The following COMTD1 variants were observed in gnomAD, a reference collection of about 807,000 sequenced individuals.
COMTD1 encodes catechol-O-methyltransferase domain containing 1.
Under a neutral mutation model 33.6 loss-of-function variants are expected in COMTD1, and 35 were observed. The ratio of observed to expected loss-of-function variants is 1.04; its 90% confidence interval spans 0.80 to 1.38. The LOEUF (loss-of-function observed/expected upper bound fraction) is 1.38, where lower values mean the gene tolerates loss of function less well. Among genes scored for constraint, COMTD1 ranks in the 40% most tolerant of loss-of-function variants. The pLI is 0.00. For missense variants in COMTD1, 370 were observed against 363.4 expected (o/e 1.02, Z -0.15); for synonymous variants, 160 against 176.8 (o/e 0.91, Z 0.75).
At chr10:75,235,471 G>T in intron 2 of COMTD1, 99 bp from the exon 3 acceptor site, 6 of 1,340,832 alleles carry the variant, frequency 4.5e-6, no homozygotes, top group Non-Finnish European at 5.9e-6. Context: ...TGGCCTGGGG[G>T]ACTGGCCCTT....
At chr10:75,235,514 CGGAAGCCCAG>C in intron 2 of COMTD1, 92 bp downstream of exon 2, 3 of 1,409,224 alleles carry the variant, frequency 2.1e-6, no homozygotes, top group Non-Finnish European at 2.8e-6. Flanking sequence ...CCAGGGAAGC[CGGAAGCCCAG>C]GGAGGGCCAG....
Position 75,234,721 on chromosome 10 carries a change from C to A in COMTD1, c.525G>T (p.Glu175Asp). The change falls in exon 6 of 7, where the codon GAG becomes GAT. Residue 175 changes from glutamate (E) to aspartate (D), a missense_variant. Physicochemically the swap from Glu to Asp is conservative, Grantham distance 45. Transcript: ENST00000372538. The stretch of plus-strand genomic sequence containing the variant: ...CCACGGCCACGTCGAAGGTGCCGGC[C>A]TCGCCCGCCGCCAGCAGCTCGTCTT... ...ETLDELLAAG[E>D]AGTFDVAVVD... The A allele has an allele frequency of 1.3e-6, 2 of 1,591,228 alleles. No individual in the cohort carries two copies. Among genetic ancestry groups the A allele is most frequent in the Non-Finnish European group, 8.5e-7 (1 of 1,170,718 alleles).
In COMTD1 at chr10:75,235,283, C is replaced by G. The variant is rs562610785; in HGVS notation, c.312G>C (p.Lys104Asn). ...LANLARLIQA[K>N]KALDLGTFTG... ...TGCCCCTACCCAGGTCCAGCGCCTT[C>G]TTGGCCTGGATGAGCCGCGCCAGGT... The change falls in exon 3 of 7, where the codon AAG (lysine) becomes AAC (asparagine). Residue 104 changes from lysine (K) to asparagine (N), a missense_variant. Coordinates refer to ENST00000372538, the MANE Select transcript of COMTD1 (RefSeq NM_144589.4). 6.3e-7 allele frequency: 1 copy of G among 1,581,442 alleles called. No homozygotes were observed. The highest frequency in any genetic ancestry group is 1.2e-5 in the South Asian group (1 of 86,676).
Position 75,233,682 on chromosome 10 carries a change from GCT to G in COMTD1, c.*389_*390del, listed in dbSNP as rs1260649325. ...TTCATGTTGTCAGACACCAGACGTG[GCT>G]CTCTACCAGTCCCAGCTGCTCAGAA... On this transcript the variant is annotated 3_prime_UTR_variant, in exon 7 of 7. Coordinates refer to ENST00000372538, the MANE Select transcript of COMTD1 (RefSeq NM_144589.4). Among the ~76,000 whole-genome samples the G allele has an allele frequency of 6.6e-6, 1 of 152,250 alleles. No individual in the cohort carries two copies. The highest frequency in any genetic ancestry group is 2.4e-5 in the African/African-American group (1 of 41,468).
intron 1 of COMTD1, 36 bp downstream of exon 1, chr10:75,235,797 GCC>G: frequency 1.3e-6 from 2 of 1,538,616 alleles, no homozygotes; most frequent in Non-Finnish European, 1.8e-6. Context: ...CCTACTCTGC[GCC>G]CGCCCACCCG....
rs966093174 is a variant in COMTD1, at chr10:75,234,938, C to T, written c.502G>A (p.Asp168Asn). Residue 168 changes from aspartate (D) to asparagine (N), a missense_variant and splice_region_variant, in exon 5 of 7, where the codon GAC becomes AAC. Transcript: ENST00000372538. ...LRLKPALETLDELLAAGEAGT... is the reference protein window; with the variant it reads ...LRLKPALETLNELLAAGEAGT... ...AAGCCCTTCCCGCTTCGGTGCTCAC[C>T]CAGGGTCTCCAAGGCGGGCTTCAGC... 5 of 1,530,512 alleles carry T rather than the reference C, an allele frequency of 3.3e-6. No individual in the cohort carries two copies. The Admixed American group carries it at 1.1e-4, about 32-fold the overall frequency. 94.8% of individuals were successfully genotyped at this position (1,530,512 alleles called of 1,614,324 possible).
chr10:75,233,815 C>A lies in COMTD1; in HGVS notation c.*258G>T, dbSNP rs1842145519. On this transcript the variant is annotated 3_prime_UTR_variant, in exon 7 of 7. Transcript: ENST00000372538. ...GCCAGGCCAGTTAAAACTTTATAAC[C>A]TGCCTCCTGCCAGCTGGAGGTTCCT... The A allele has an allele frequency of 1.2e-6, 1 of 842,014 alleles. No individual in the cohort carries two copies. The highest frequency in any genetic ancestry group is 3.1e-5 in the Admixed American group (1 of 31,934). 52.2% of individuals were successfully genotyped at this position (842,014 alleles called of 1,614,324 possible). A position where few individuals can be genotyped will look rare whatever the true frequency, so the allele number is the denominator to read the frequency against.
rs1402483749 is a variant in COMTD1 at position 75,235,150 on chromosome 10, G to T, written c.357C>A (p.Ala119=). 25 of 1,406,034 alleles carry T rather than the reference G, an allele frequency of 1.8e-5. 2 individuals carry two copies. The highest frequency in any genetic ancestry group is 5.1e-4 in the Middle Eastern group (2 of 3,936). The allele number at this position is 1,406,034 out of a possible 1,614,324, so 87.1% of individuals were successfully genotyped here. ...CGTCCGCGGGCAGCGCCAGGGCCAG[G>T]GCCAGGGCGGAGTAGCCCGTGAAGG... ...LGTFTGYSAL[A]LALALPADGR... Residue 119 remains alanine (A), a synonymous_variant, in exon 4 of 7, where the codon GCC becomes GCA. Transcript: ENST00000372538.
At position 75,234,736 on chromosome 10, in the gene COMTD1, C is replaced by T. The variant is rs1441096769; in HGVS notation, c.510G>A (p.Leu170=). 4 of 1,588,196 alleles carry T rather than the reference C, an allele frequency of 2.5e-6. No homozygotes were observed. Among genetic ancestry groups the T allele is most frequent in the Non-Finnish European group, 3.4e-6 (4 of 1,169,012 alleles). Residue 170 remains leucine (L), a synonymous_variant, in exon 6 of 7, where the codon CTG becomes CTA. Coordinates refer to ENST00000372538, the MANE Select transcript of COMTD1 (RefSeq NM_144589.4). The part of the protein sequence containing the change: ...LKPALETLDE[L]LAAGEAGTFD... The stretch of plus-strand genomic sequence containing the variant: ...AGGTGCCGGCCTCGCCCGCCGCCAG[C>T]AGCTCGTCTTGCGGGGGGAGGGAGG...
At position 75,235,296 on chromosome 10, in the gene COMTD1, A is replaced by C. The variant is rs1842174787; in HGVS notation, c.299T>G (p.Leu100Arg). 6.3e-7 allele frequency: 1 copy of C among 1,588,506 alleles called. No homozygotes were observed. Among genetic ancestry groups the C allele is most frequent in the Non-Finnish European group, 8.5e-7 (1 of 1,170,706 alleles). ...QAQLLANLAR[L>R]IQAKKALDLG... is the part of the protein sequence containing the mutation. ...GTCCAGCGCCTTCTTGGCCTGGATGAGCCGCGCCAGGTTGGCCAAGAGCTG... is the reference window on the plus strand; with the variant it reads ...GTCCAGCGCCTTCTTGGCCTGGATGCGCCGCGCCAGGTTGGCCAAGAGCTG... Residue 100 changes from leucine to arginine, a missense_variant, in exon 3 of 7, where the codon CTC (leucine) becomes CGC (arginine). Coordinates refer to ENST00000372538, the MANE Select transcript of COMTD1 (RefSeq NM_144589.4).
In COMTD1 at chr10:75,235,570, G is replaced by A. The variant is rs771751152; in HGVS notation, c.222+46C>T. 15 of 1,531,224 alleles carry A rather than the reference G, an allele frequency of 9.8e-6. No individual in the cohort carries two copies. The Middle Eastern group carries it at 6.2e-4, about 63-fold the overall frequency. The allele number at this position is 1,531,224 out of a possible 1,614,324, so 94.9% of individuals were successfully genotyped here. A position where few individuals can be genotyped will look rare whatever the true frequency, so the allele number is the denominator to read the frequency against. On this transcript the variant is annotated intron_variant, in intron 2 of 6. Transcript: ENST00000372538. Reference sequence around the variant, plus strand: ...AAGGTCACACAGCCACGTGGGACCCGCAGGGGTCGAGAGGGACGCCCGTTT... The same window carrying A: ...AAGGTCACACAGCCACGTGGGACCCACAGGGGTCGAGAGGGACGCCCGTTT...
chr10:75,234,348 C>G (rs1359175658), intron 6 of COMTD1, 123 bp from the exon 7 acceptor site: 3 of 1,127,320 alleles, frequency 2.7e-6, no homozygotes, highest in Non-Finnish European at 1.2e-6. Context: ...GAGGGAGGTG[C>G]CCAGACGGAA....
intron 5 of COMTD1, 70 bp from the exon 6 acceptor site, chr10:75,234,813 C>G (rs1447424100): frequency 6.5e-7 from 1 of 1,528,628 alleles, no homozygotes; most frequent in South Asian, 1.2e-5. Context: ...CCTCCCAGGC[C>G]GGCCCGGGCT....
rs1276396035 is a variant in COMTD1, at chr10:75,234,724, G to A, written c.522C>T (p.Gly174=). Residue 174 remains glycine (G), a synonymous_variant, in exon 6 of 7, where the codon GGC becomes GGT. Transcript: ENST00000372538. ...LETLDELLAA[G]EAGTFDVAVV... is the part of the protein sequence containing the mutation. ...CGGCCACGTCGAAGGTGCCGGCCTC[G>A]CCCGCCGCCAGCAGCTCGTCTTGCG... 1 of 1,590,350 alleles carries A rather than the reference G, an allele frequency of 6.3e-7. No homozygotes were observed. The highest frequency in any genetic ancestry group is 8.5e-7 in the Non-Finnish European group (1 of 1,170,230).
chr10:75,234,631 T>C lies in COMTD1; in HGVS notation c.615A>G (p.Gly205=), dbSNP rs1184624058. Residue 205 remains glycine (G), a synonymous_variant, in exon 6 of 7, where the codon GGA becomes GGG. Coordinates refer to ENST00000372538, the MANE Select transcript of COMTD1 (RefSeq NM_144589.4). ...YERCLQLLRP[G]GILAVLRVLW... ...TTACTCTGAGGACGGCGAGGATGCC[T>C]CCGGGTCGCAGCAGCTGCAGGCAGC... 7 of 1,564,688 alleles carry C rather than the reference T, an allele frequency of 4.5e-6. No homozygotes were observed. Among genetic ancestry groups the C allele is most frequent in the Non-Finnish European group, 6.1e-6 (7 of 1,155,114 alleles).
At chr10:75,235,797 G>GCCCC in intron 1 of COMTD1, 38 bp downstream of exon 1, 1 of 1,538,626 alleles carries the variant, frequency 6.5e-7, no homozygotes, top group Non-Finnish European at 8.8e-7. Context: ...CCTACTCTGC[G>GCCCC]CCCGCCCACC....
Position 75,234,730 on chromosome 10 carries a change from C to T in COMTD1, c.516G>A (p.Ala172=), listed in dbSNP as rs371762240. 2.5e-6 allele frequency: 4 copies of T among 1,589,528 alleles called. No individual in the cohort carries two copies. The highest frequency in any genetic ancestry group is 3.4e-6 in the Non-Finnish European group (4 of 1,169,750). The part of the protein sequence containing the change: ...PALETLDELL[A]AGEAGTFDVA... ...CGTCGAAGGTGCCGGCCTCGCCCGCCGCCAGCAGCTCGTCTTGCGGGGGGA... is the reference window on the plus strand; with the variant it reads ...CGTCGAAGGTGCCGGCCTCGCCCGCTGCCAGCAGCTCGTCTTGCGGGGGGA... The change falls in exon 6 of 7, where the codon GCG becomes GCA. Residue 172 remains alanine (A), a synonymous_variant. Coordinates refer to ENST00000372538, the MANE Select transcript of COMTD1 (RefSeq NM_144589.4).
rs966203801 is a variant in COMTD1, at chr10:75,235,138, CGCCAGG to C, written c.363_368del (p.Ala123_Leu124del). The C allele has an allele frequency of 5.0e-6, 7 of 1,401,148 alleles. No homozygotes were observed. The highest frequency in any genetic ancestry group is 3.4e-5 in the Admixed American group (1 of 29,198). 86.8% of individuals were successfully genotyped at this position (1,401,148 alleles called of 1,614,324 possible). A position where few individuals can be genotyped will look rare whatever the true frequency, so the allele number is the denominator to read the frequency against. On this transcript the variant is annotated inframe_deletion, in exon 4 of 7. Coordinates refer to ENST00000372538, the MANE Select transcript of COMTD1 (RefSeq NM_144589.4). ...TCACCACGCGCCCGTCCGCGGGCAG[CGCCAGG>C]GCCAGGGCCAGGGCGGAGTAGCCCG...
chr10:75,233,740 G>A lies in COMTD1; in HGVS notation c.*333C>T, dbSNP rs1417069256. 2.0e-5 allele frequency among the ~76,000 whole-genome samples: 3 copies of A among 152,246 alleles called. No individual in the cohort carries two copies. Among genetic ancestry groups the A allele is most frequent in the African/African-American group, 7.2e-5 (3 of 41,466 alleles). On this transcript the variant is annotated 3_prime_UTR_variant, in exon 7 of 7. Transcript: ENST00000372538. ...GCTTCGCCTGCCCTGAGGGAGAGAT[G>A]TAGGAGGCAGACAAGCCCGAGGTGC...
Sources: gnomAD v4.1 joint callset for allele counts (sites outside exome capture counted in the v4.1 genomes callset) on GRCh38, gnomAD v4.1.1 for gene constraint, MANE v1.5 for transcripts, NCBI Gene and HGNC (gene_info 2026-07-23, HGNC 2026-07-21) for gene names.